The following IQGAP2 variants were observed in gnomAD, a reference collection of about 807,000 sequenced individuals.
IQGAP2 encodes IQ motif containing GTPase activating protein 2.
Under a neutral mutation model 201.3 loss-of-function variants are expected in IQGAP2, and 173 were observed. That is an observed-to-expected ratio of 0.86 (90% CI 0.76 to 0.98). The LOEUF is 0.98. Ranked by LOEUF, IQGAP2 falls within the 50% of genes least tolerant of loss-of-function variation. The pLI is 0.00. For synonymous variants in IQGAP2, 675 were observed against 673.9 expected (o/e 1.00, Z -0.03); for missense variants, 1,687 against 1,864.8 (o/e 0.90, Z 1.76).
chr5:76,555,580 A>G (rs747522342), intron 2 of IQGAP2, among the ~76,000 whole-genome samples: 1 of 152,180 alleles, frequency 6.6e-6, no homozygotes, highest in Non-Finnish European at 1.5e-5. Context: ...TCACTTGTTC[A>G]TGTAACAGAT....
Position 76,405,355 on chromosome 5 carries a change from T to G in IQGAP2, c.46+1764T>G, listed in dbSNP as rs547951815. 3.6e-4 allele frequency among the ~76,000 whole-genome samples: 55 copies of G among 152,314 alleles called. No homozygotes were observed. The South Asian group carries it at 8.1e-3, about 22-fold the overall frequency. ...TTTCTTTGGAAATCTTCATCCAGCT[T>G]TCTTCACCAATGTGGTGTAAGGGGG... On this transcript the variant is annotated intron_variant, in intron 1 of 35. Coordinates refer to ENST00000274364, the MANE Select transcript of IQGAP2 (RefSeq NM_006633.5).
chr5:76,442,903 C>A (rs1236477778), intron 1 of IQGAP2, among the ~76,000 whole-genome samples: 4 of 152,236 alleles, frequency 2.6e-5, no homozygotes, highest in African/African-American at 9.6e-5. Flanking sequence ...ACAAGAATCA[C>A]TTGAACCTGG....
At chr5:76,517,812 C>A (rs1758431640) in intron 2 of IQGAP2, among the ~76,000 whole-genome samples, 1 of 151,984 alleles carries the variant, frequency 6.6e-6, no homozygotes, top group Admixed American at 6.6e-5. Context: ...AAATGAAAAC[C>A]TATCTAAAGC....
intron 35 of IQGAP2, among the ~76,000 whole-genome samples, chr5:76,706,645 G>A (rs375961501): frequency 6.6e-6 from 1 of 152,092 alleles, no homozygotes; most frequent in Non-Finnish European, 1.5e-5. Context: ...ACCACACCCA[G>A]CCAGAAAACA....
intron 1 of IQGAP2, among the ~76,000 whole-genome samples, chr5:76,460,542 C>G (rs1754385834): frequency 6.9e-6 from 1 of 144,454 alleles, no homozygotes; most frequent in East Asian, 2.0e-4. Flanking sequence ...AGTGACTAGA[C>G]CTGTTCTGAG....
intron 2 of IQGAP2, among the ~76,000 whole-genome samples, chr5:76,474,695 C>CA (rs1755306751): frequency 6.6e-6 from 1 of 152,152 alleles, no homozygotes; most frequent in Admixed American, 6.5e-5. Flanking sequence ...CAGTGATCCC[C>CA]AAATTCATTT....
intron 13 of IQGAP2, among the ~76,000 whole-genome samples, chr5:76,623,653 A>T (rs112621828): frequency 6.6e-6 from 1 of 152,242 alleles, no homozygotes; most frequent in East Asian, 1.9e-4. Context: ...TTCATTTCTT[A>T]TCCGTTTTAA....
At chr5:76,541,581 T>G (rs753890961) in intron 2 of IQGAP2, among the ~76,000 whole-genome samples, 1 of 152,214 alleles carries the variant, frequency 6.6e-6, no homozygotes, top group Non-Finnish European at 1.5e-5. Context: ...ATTCTACGTT[T>G]CACTTTTTGA....
chr5:76,455,530 T>C (rs1754030203), intron 1 of IQGAP2, among the ~76,000 whole-genome samples: 1 of 151,252 alleles, frequency 6.6e-6, no homozygotes, highest in East Asian at 1.9e-4. Context: ...ATGAAAATAG[T>C]GTGGGGACTT....
chr5:76,647,852 A>ACACACAC (rs558983752), intron 17 of IQGAP2, among the ~76,000 whole-genome samples: 2,470 of 142,932 alleles, frequency 0.017, 84 homozygotes, highest in African/African-American at 0.063. Context: ...CACACACACA[A>ACACACAC]ACGAAAAAAA....
At chr5:76,629,257 A>G (rs577212456) in intron 14 of IQGAP2, among the ~76,000 whole-genome samples, 17 of 152,322 alleles carry the variant, frequency 1.1e-4, no homozygotes, top group African/African-American at 3.8e-4. Flanking sequence ...ACCTATGAGA[A>G]TTTTCTGACT....
intron 2 of IQGAP2, among the ~76,000 whole-genome samples, chr5:76,543,438 T>C (rs1742906454): frequency 6.6e-6 from 1 of 152,188 alleles, no homozygotes; most frequent in South Asian, 2.1e-4. Flanking sequence ...CCTCAGAGCC[T>C]AGGTGGACCG....
At chr5:76,438,907 TTTTA>T (rs1279823077) in intron 1 of IQGAP2, among the ~76,000 whole-genome samples, 2 of 151,886 alleles carry the variant, frequency 1.3e-5, no homozygotes, top group African/African-American at 2.4e-5. Context: ...TGCTCTAATC[TTTTA>T]TTTATTTATT....
chr5:76,681,178 G>A (rs1745262253), intron 28 of IQGAP2, among the ~76,000 whole-genome samples: 1 of 149,848 alleles, frequency 6.7e-6, no homozygotes, highest in Admixed American at 6.7e-5. Context: ...TTGGGGACTT[G>A]TATCCAGAAT....
chr5:76,548,572 C>T lies in IQGAP2; in HGVS notation c.147-13824C>T, dbSNP rs1743238976. Among the ~76,000 whole-genome samples, 5 of 152,202 alleles carry T rather than the reference C, an allele frequency of 3.3e-5. 1 individual carries two copies. The South Asian group carries it at 1.0e-3, about 31-fold the overall frequency. ...AGAGGTGTCCTGCAGAGGTGACAAC[C>T]TGAATTTAAATCACAGCTCAGCCGC... On this transcript the variant is annotated intron_variant, in intron 2 of 35. Transcript: ENST00000274364.
intron 33 of IQGAP2, among the ~76,000 whole-genome samples, chr5:76,699,967 A>C (rs200705518): frequency 0.068 from 6,327 of 92,986 alleles, 1,464 homozygotes; most frequent in East Asian, 0.1. Context: ...CTCTCTCTAT[A>C]TATATATATA....
chr5:76,549,216 C>T (rs763393086), intron 2 of IQGAP2, among the ~76,000 whole-genome samples: 2 of 151,982 alleles, frequency 1.3e-5, no homozygotes, highest in Non-Finnish European at 2.9e-5. Context: ...ATTATTATCC[C>T]ATTTTGTAGA....
chr5:76,542,227 T>C (rs958284629), intron 2 of IQGAP2, among the ~76,000 whole-genome samples: 1 of 152,208 alleles, frequency 6.6e-6, no homozygotes, highest in African/African-American at 2.4e-5. Flanking sequence ...TCCCAAAGTG[T>C]TGGGATTACA....
chr5:76,663,903 C>G (rs1192313353), intron 21 of IQGAP2, among the ~76,000 whole-genome samples: 1 of 152,222 alleles, frequency 6.6e-6, no homozygotes, highest in East Asian at 1.9e-4. Context: ...AAGTTAGGGC[C>G]TTGCTTTGGA....
Sources: allele counts gnomAD v4.1 joint callset (sites outside exome capture counted in the v4.1 genomes callset), GRCh38; gene constraint gnomAD v4.1.1; transcripts MANE v1.5; gene names NCBI Gene and HGNC (gene_info 2026-07-23, HGNC 2026-07-21).